The following DACH1 variants were observed in gnomAD, a reference collection of about 807,000 sequenced individuals.
The protein encoded by DACH1 is dachshund homolog 1.
Under a neutral mutation model 54.2 loss-of-function variants are expected in DACH1, and 12 were observed. The observed-to-expected ratio is 0.22, with a 90% CI of 0.14 to 0.36. The LOEUF is 0.36. Ranked by LOEUF, DACH1 falls within the 10% of genes least tolerant of loss-of-function variation. The pLI, the probability that DACH1 is intolerant of heterozygous loss-of-function variation, is 1.00. For missense variants in DACH1, 805 were observed against 929.8 expected, an observed-to-expected ratio of 0.87 and a Z score of 1.75; for synonymous variants, 386 against 366.2, an observed-to-expected ratio of 1.05 and a Z score of -0.62.
At chr13:71,606,136 A>C (rs372276459) in intron 3 of DACH1, among the ~76,000 whole-genome samples, 1 of 152,210 alleles carries the variant, frequency 6.6e-6, no homozygotes, top group East Asian at 1.9e-4. Context: ...GTAATGTTTA[A>C]TACATCACCT....
intron 1 of DACH1, among the ~76,000 whole-genome samples, chr13:71,773,609 C>A (rs1375559480): frequency 6.6e-6 from 1 of 151,892 alleles, no homozygotes; most frequent in East Asian, 1.9e-4. Context: ...TACTTTCAAC[C>A]ATTATTTAAC....
intron 3 of DACH1, among the ~76,000 whole-genome samples, chr13:71,618,824 G>C (rs1057071933): frequency 3.3e-5 from 5 of 151,736 alleles, no homozygotes; most frequent in Non-Finnish European, 7.4e-5. Flanking sequence ...CCTGAATCAG[G>C]AATTTTAGAA....
chr13:71,618,587 A>G (rs1414625517), intron 3 of DACH1, among the ~76,000 whole-genome samples: 8 of 151,992 alleles, frequency 5.3e-5, no homozygotes, highest in African/African-American at 1.9e-4. Flanking sequence ...ATGAAGTAGA[A>G]TGTGCAAGTG....
chr13:71,781,507 T>G (rs966363973), intron 1 of DACH1, among the ~76,000 whole-genome samples: 7 of 151,872 alleles, frequency 4.6e-5, no homozygotes, highest in African/African-American at 1.7e-4. Context: ...GCCTCCCAAG[T>G]AGCTGAGACT....
chr13:71,832,461 C>T (rs1327018809), intron 1 of DACH1, among the ~76,000 whole-genome samples: 1 of 151,708 alleles, frequency 6.6e-6, no homozygotes, highest in South Asian at 2.1e-4. Context: ...ATGTAAAAAG[C>T]AGAAAAAGTT....
chr13:71,639,602 C>T (rs1877747319), intron 2 of DACH1, among the ~76,000 whole-genome samples: 1 of 151,968 alleles, frequency 6.6e-6, no homozygotes, highest in African/African-American at 2.4e-5. Context: ...AAATAGACAT[C>T]AGATTTAGCA....
chr13:71,817,316 T>C (rs1349626632), intron 1 of DACH1, among the ~76,000 whole-genome samples: 1 of 152,172 alleles, frequency 6.6e-6, no homozygotes, highest in Non-Finnish European at 1.5e-5. Flanking sequence ...GGACTGTAAG[T>C]TGTGTAGAGT....
At chr13:71,761,067 ACT>A (rs1430483966) in intron 1 of DACH1, among the ~76,000 whole-genome samples, 1 of 151,888 alleles carries the variant, frequency 6.6e-6, no homozygotes, top group Non-Finnish European at 1.5e-5. Flanking sequence ...TCTAAAAATA[ACT>A]CTCATTTCAC....
chr13:71,628,976 T>C (rs1876869344), intron 3 of DACH1, among the ~76,000 whole-genome samples: 1 of 152,088 alleles, frequency 6.6e-6, no homozygotes, highest in African/African-American at 2.4e-5. Context: ...ACAGCCTCCT[T>C]TTCTAAAATT....
intron 1 of DACH1, among the ~76,000 whole-genome samples, chr13:71,712,513 G>A (rs1412088994): frequency 6.6e-6 from 1 of 151,896 alleles, no homozygotes; most frequent in Non-Finnish European, 1.5e-5. Context: ...ACAAACACTT[G>A]GCAAATGTTT....
At chr13:71,659,066 A>G (rs74495337) in intron 2 of DACH1, among the ~76,000 whole-genome samples, 2 of 152,304 alleles carry the variant, frequency 1.3e-5, no homozygotes, top group Non-Finnish European at 2.9e-5. Context: ...TTAGAACCAT[A>G]CTAGAAGTCA....
intron 3 of DACH1, among the ~76,000 whole-genome samples, chr13:71,581,426 T>G (rs1044159720): frequency 6.6e-6 from 1 of 152,094 alleles, no homozygotes; most frequent in Non-Finnish European, 1.5e-5. Flanking sequence ...CATGCCCAGC[T>G]AATTTTTGCA....
At chr13:71,815,981 A>G (rs1887903972) in intron 1 of DACH1, among the ~76,000 whole-genome samples, 1 of 151,904 alleles carries the variant, frequency 6.6e-6, no homozygotes, top group Non-Finnish European at 1.5e-5. Flanking sequence ...GCTACTCGGG[A>G]GGCTGAGGCA....
intron 1 of DACH1, among the ~76,000 whole-genome samples, chr13:71,794,057 T>A (rs1360662908): frequency 7.0e-6 from 1 of 142,392 alleles, no homozygotes; most frequent in South Asian, 2.6e-4. Context: ...TTATTATCCA[T>A]TTTTTCCTTA....
intron 3 of DACH1, among the ~76,000 whole-genome samples, chr13:71,625,666 A>T (rs561167135): frequency 1.3e-5 from 2 of 152,106 alleles, no homozygotes; most frequent in South Asian, 4.1e-4. Flanking sequence ...ACATTCTTGT[A>T]ACGATTACAA....
At chr13:71,652,717 A>G (rs1227451352) in intron 2 of DACH1, among the ~76,000 whole-genome samples, 1 of 152,162 alleles carries the variant, frequency 6.6e-6, no homozygotes, top group Non-Finnish European at 1.5e-5. Flanking sequence ...AACTATAGCT[A>G]TACTGAATTA....
intron 3 of DACH1, among the ~76,000 whole-genome samples, chr13:71,592,346 C>T (rs1249795782): frequency 2.6e-5 from 4 of 151,128 alleles, no homozygotes; most frequent in African/African-American, 9.7e-5. Context: ...ATTAAAACTG[C>T]TAGCTGGGCG....
At chr13:71,447,556 G>A (rs756296093) in intron 10 of DACH1, among the ~76,000 whole-genome samples, 25 of 152,012 alleles carry the variant, frequency 1.6e-4, no homozygotes, top group Admixed American at 5.9e-4. Flanking sequence ...TCATATGGCC[G>A]GGCGCAGTGG....
intron 3 of DACH1, among the ~76,000 whole-genome samples, chr13:71,616,380 G>T (rs1875766092): frequency 6.6e-6 from 1 of 152,190 alleles, no homozygotes; most frequent in Non-Finnish European, 1.5e-5. Context: ...GAACAGTATT[G>T]TAGCCTAAGA....
Sources: allele counts gnomAD v4.1 joint callset (sites outside exome capture counted in the v4.1 genomes callset), GRCh38; gene constraint gnomAD v4.1.1; transcripts MANE v1.5; gene names NCBI Gene and HGNC (gene_info 2026-07-23, HGNC 2026-07-21).